AKAP19: variants seen among roughly 807,000 people sequenced by gnomAD.
AKAP19 encodes the protein small A-kinase anchoring protein.
At chr2:190,151,978 G>T in the AKAP19 span, among the ~76,000 whole-genome samples, 1 of 149,958 alleles carries the variant, frequency 6.7e-6, no homozygotes, top group Non-Finnish European at 1.5e-5. Context: ...ACTCCAGAGC[G>T]AGACTCTGTC....
At chr2:190,162,592 T>A in the AKAP19 span, among the ~76,000 whole-genome samples, 1 of 152,226 alleles carries the variant, frequency 6.6e-6, no homozygotes, top group Non-Finnish European at 1.5e-5. Context: ...TAAGGATTTA[T>A]TTCTTTTGGG....
chr2:190,180,841 G>A, the AKAP19 span: 2 of 985,154 alleles, frequency 2.0e-6, no homozygotes, highest in Non-Finnish European at 1.2e-6. This position sits in a 1 kb window ranked among gnomAD's most constrained non-coding sequence, Gnocchi z 6.8. Flanking sequence ...CCCGGGCGCC[G>A]CCGAAGGACG....
chr2:189,924,907 T>A, the AKAP19 span, among the ~76,000 whole-genome samples: 2 of 151,910 alleles, frequency 1.3e-5, no homozygotes, highest in African/African-American at 4.8e-5. Context: ...AATAAATAAA[T>A]AAAAATAAGC....
the AKAP19 span, among the ~76,000 whole-genome samples, chr2:190,018,752 A>G: frequency 6.6e-6 from 1 of 152,050 alleles, no homozygotes; most frequent in African/African-American, 2.4e-5. Context: ...TTGAGGAGAC[A>G]CTCACCTCTT....
At chr2:190,199,689 C>G in the AKAP19 span, 1 of 1,425,320 alleles carries the variant, frequency 7.0e-7, no homozygotes, top group South Asian at 1.6e-5. Context: ...CCTACCTTCT[C>G]TTGACAGGTA....
chr2:190,108,278 C>G, the AKAP19 span, among the ~76,000 whole-genome samples: 1 of 152,158 alleles, frequency 6.6e-6, no homozygotes, highest in Non-Finnish European at 1.5e-5. Context: ...GCCTCAGCCT[C>G]TTGAGTAGCT....
chr2:190,128,870 A>G, the AKAP19 span, among the ~76,000 whole-genome samples: 1 of 152,226 alleles, frequency 6.6e-6, no homozygotes, highest in Non-Finnish European at 1.5e-5. Flanking sequence ...ATCCCCCTTA[A>G]GGGGATGCCA....
chr2:190,125,943 C>G, the AKAP19 span, among the ~76,000 whole-genome samples: 1 of 151,682 alleles, frequency 6.6e-6, no homozygotes, highest in Non-Finnish European at 1.5e-5. Context: ...TTTTTAAAAA[C>G]AATAATGTTT....
chr2:189,912,593 T>G, the AKAP19 span, among the ~76,000 whole-genome samples: 2 of 152,138 alleles, frequency 1.3e-5, no homozygotes, highest in African/African-American at 4.8e-5. Context: ...TCACATATAG[T>G]AATTTATGAA....
At chr2:190,110,678 C>T in the AKAP19 span, among the ~76,000 whole-genome samples, 1 of 152,164 alleles carries the variant, frequency 6.6e-6, no homozygotes, top group Non-Finnish European at 1.5e-5. Flanking sequence ...AATAACATCA[C>T]TATTTATTAT....
chr2:190,086,309 G>A, the AKAP19 span, among the ~76,000 whole-genome samples: 1 of 152,226 alleles, frequency 6.6e-6, no homozygotes, highest in African/African-American at 2.4e-5. Flanking sequence ...TTAGTTGTTA[G>A]TAGGAGCAGT....
At chr2:189,917,545 T>C in the AKAP19 span, 1 of 546,572 alleles carries the variant, frequency 1.8e-6, no homozygotes, top group East Asian at 3.2e-5. Context: ...TGAAGAGCTC[T>C]TACTCTTCTT....
At chr2:190,188,179 G>C in the AKAP19 span, among the ~76,000 whole-genome samples, 1 of 152,088 alleles carries the variant, frequency 6.6e-6, no homozygotes, top group Non-Finnish European at 1.5e-5. Context: ...TTTTGATTTT[G>C]TTAATTTTGG....
chr2:190,107,662 G>A, the AKAP19 span, among the ~76,000 whole-genome samples: 1 of 152,134 alleles, frequency 6.6e-6, no homozygotes, highest in South Asian at 2.1e-4. Context: ...GTCATACAAA[G>A]TCAGGCGTGG....
the AKAP19 span, among the ~76,000 whole-genome samples, chr2:190,145,355 T>C: frequency 6.6e-6 from 1 of 152,216 alleles, no homozygotes; most frequent in Non-Finnish European, 1.5e-5. Flanking sequence ...TACACTGTGA[T>C]TTATTCAACC....
the AKAP19 span, among the ~76,000 whole-genome samples, chr2:190,108,631 A>G: frequency 2.0e-5 from 3 of 152,208 alleles, no homozygotes; most frequent in East Asian, 1.9e-4. Flanking sequence ...GAAGGTCTCA[A>G]ATAAGATCTT....
At chr2:189,940,390 G>A in the AKAP19 span, among the ~76,000 whole-genome samples, 1 of 151,846 alleles carries the variant, frequency 6.6e-6, no homozygotes, top group Non-Finnish European at 1.5e-5. Flanking sequence ...AGCTTGCAGT[G>A]AGCTGAGATT....
At chr2:190,045,530 G>T in the AKAP19 span, among the ~76,000 whole-genome samples, 1 of 152,160 alleles carries the variant, frequency 6.6e-6, no homozygotes, top group Non-Finnish European at 1.5e-5. Context: ...CAGCTGTGTT[G>T]TGTTGGGGGA....
chr2:189,979,772 A>T, the AKAP19 span, among the ~76,000 whole-genome samples: 2 of 152,188 alleles, frequency 1.3e-5, no homozygotes, highest in African/African-American at 2.4e-5. Context: ...ACATGAACAG[A>T]CACTTCTCAA....
Sources: gnomAD v4.1 joint callset for allele counts (sites outside exome capture counted in the v4.1 genomes callset) on GRCh38, gnomAD v4.1.1 for gene constraint, Gnocchi (gnomAD v3.1) non-coding constraint, MANE v1.5 for transcripts, NCBI Gene and HGNC (gene_info 2026-07-23, HGNC 2026-07-21) for gene names.